The following RMST variants were observed in gnomAD, a reference collection of about 807,000 sequenced individuals.
The protein encoded by RMST is long intergenic non-protein coding RNA 54.
At chr12:97,503,604 T>G (rs1428824816) in intron 10 of RMST, among the ~76,000 whole-genome samples, 1 of 152,186 alleles carries the variant, frequency 6.6e-6, no homozygotes, top group Non-Finnish European at 1.5e-5. Context: ...ATTCCCCAAG[T>G]GAGCCAAATA....
chr12:97,516,980 G>T (rs938123741), intron 10 of RMST, among the ~76,000 whole-genome samples: 3 of 151,874 alleles, frequency 2.0e-5, no homozygotes, highest in Non-Finnish European at 2.9e-5. Flanking sequence ...CTTATGAAAG[G>T]TATCTAATGA....
intron 11 of RMST, chr12:97,532,715 A>C (rs1450872206): frequency 1.4e-5 from 2 of 140,362 alleles, no homozygotes; most frequent in African/African-American, 5.5e-5. Flanking sequence ...CTCTTGTCAG[A>C]GTTTCAAAGG....
intron 11 of RMST, among the ~76,000 whole-genome samples, chr12:97,553,399 C>T (rs377617693): frequency 1.3e-5 from 2 of 152,102 alleles, no homozygotes; most frequent in African/African-American, 4.8e-5. Flanking sequence ...CAGTTAGCCT[C>T]CAGAATTTGT....
intron 11 of RMST, among the ~76,000 whole-genome samples, chr12:97,540,386 A>G (rs1882409876): frequency 6.6e-6 from 1 of 151,798 alleles, no homozygotes; most frequent in African/African-American, 2.4e-5. Context: ...GTTTTTGAAA[A>G]AGATGTATAT....
intron 10 of RMST, among the ~76,000 whole-genome samples, chr12:97,513,755 G>A (rs1157950420): frequency 6.6e-6 from 1 of 152,140 alleles, no homozygotes; most frequent in African/African-American, 2.4e-5. Context: ...TGGATCAATT[G>A]GAGTGTCTTG....
chr12:97,500,083 T>A (rs1419822317), intron 10 of RMST, among the ~76,000 whole-genome samples: 1 of 152,188 alleles, frequency 6.6e-6, no homozygotes, highest in Non-Finnish European at 1.5e-5. Flanking sequence ...CTTTTGACAT[T>A]TTTCCCCATT....
rs1012403245 is a variant in RMST at position 97,483,243 on chromosome 12, A to G, written n.645-9218A>G. On this transcript the variant is annotated intron_variant and non_coding_transcript_variant, in intron 5 of 13. Coordinates refer to ENST00000640149, the Ensembl canonical transcript of RMST. ...GTGGGATGTGCTTTCGCTTAAGCCC[A>G]TGCTCTGAAACAGCTACTCATAGAG... is the stretch of plus-strand genomic sequence containing the variant. 3.9e-5 allele frequency among the ~76,000 whole-genome samples: 6 copies of G among 152,288 alleles called. No homozygotes were observed. In the East Asian group the frequency reaches 1.2e-3, roughly 29 times the overall value.
chr12:97,564,924 T>C (rs1884413700), exon 14 of RMST: 1 of 152,250 alleles, frequency 6.6e-6, no homozygotes, highest in Admixed American at 6.5e-5. Flanking sequence ...TACTGTTTTC[T>C]GTATATTTAC....
At chr12:97,563,936 T>A (rs762587464) in intron 13 of RMST, 3 of 486,342 alleles carry the variant, frequency 6.2e-6, no homozygotes, top group African/African-American at 5.9e-5. Flanking sequence ...GCCATCAGTA[T>A]AGAGAACGTT....
chr12:97,486,111 A>G (rs758240485), intron 5 of RMST, among the ~76,000 whole-genome samples: 1 of 152,196 alleles, frequency 6.6e-6, no homozygotes, highest in African/African-American at 2.4e-5. Context: ...CTTTTACCAT[A>G]GGTAAGAATG....
intron 11 of RMST, among the ~76,000 whole-genome samples, chr12:97,549,622 A>G (rs1018431529): frequency 5.3e-5 from 8 of 152,230 alleles, no homozygotes; most frequent in Non-Finnish European, 1.2e-4. Flanking sequence ...TACTCTGTTC[A>G]TGCAGAGCAG....
intron 11 of RMST, among the ~76,000 whole-genome samples, chr12:97,544,927 A>G (rs1233500445): frequency 6.6e-6 from 1 of 152,120 alleles, no homozygotes; most frequent in African/African-American, 2.4e-5. Context: ...AATGCTTAGC[A>G]GTACTAAGTA....
chr12:97,498,191 A>AT (rs144336599), intron 10 of RMST, among the ~76,000 whole-genome samples: 11,432 of 152,126 alleles, frequency 0.075, 744 homozygotes, highest in East Asian at 0.18. Flanking sequence ...TTATTTTACT[A>AT]TTTTTTAAAG....
chr12:97,475,591 T>TTG (rs1834686575), intron 5 of RMST, among the ~76,000 whole-genome samples: 1 of 151,598 alleles, frequency 6.6e-6, no homozygotes, highest in African/African-American at 2.4e-5. Context: ...TTTTTTGTTT[T>TTG]TTTTTTTTAC....
At chr12:97,558,207 C>T (rs1292459167) in intron 11 of RMST, among the ~76,000 whole-genome samples, 1 of 152,166 alleles carries the variant, frequency 6.6e-6, no homozygotes, top group Non-Finnish European at 1.5e-5. Flanking sequence ...TCTTGGTCAA[C>T]AAGTACAGCT....
chr12:97,482,227 C>T (rs1875388281), intron 5 of RMST, among the ~76,000 whole-genome samples: 1 of 152,172 alleles, frequency 6.6e-6, no homozygotes, highest in African/African-American at 2.4e-5. Context: ...TTTTACTGAG[C>T]TAGTTTAGTG....
At chr12:97,507,677 C>T (rs1012930808) in intron 10 of RMST, among the ~76,000 whole-genome samples, 1 of 145,642 alleles carries the variant, frequency 6.9e-6, no homozygotes, top group Non-Finnish European at 1.5e-5. Flanking sequence ...TGGAGATCTC[C>T]AGAGGTTAGT....
chr12:97,563,734 TA>T lies in RMST; in HGVS notation n.1959-414del, dbSNP rs775119916. The T allele has an allele frequency of 4.1e-4, 191 of 462,102 alleles. 2 individuals are homozygous for T. Among genetic ancestry groups the T allele is most frequent in the South Asian group, 1.1e-3 (73 of 64,092 alleles). 28.6% of individuals were successfully genotyped at this position (462,102 alleles called of 1,614,324 possible). A position where few individuals can be genotyped will look rare whatever the true frequency, so the allele number is the denominator to read the frequency against. On this transcript the variant is annotated intron_variant and non_coding_transcript_variant, in intron 13 of 13. Transcript: ENST00000640149. The stretch of plus-strand genomic sequence containing the variant: ...CTTATGTGTAGTTTAAAATGTTCTT[TA>T]ATGTAGCGTGAAATGATTGGTTAGC...
At chr12:97,529,798 G>A (rs1405601518) in intron 10 of RMST, among the ~76,000 whole-genome samples, 1 of 152,032 alleles carries the variant, frequency 6.6e-6, no homozygotes, top group Non-Finnish European at 1.5e-5. Flanking sequence ...TGCAAGTGTT[G>A]TGTATATCAA....
Sources: gnomAD v4.1 joint callset for allele counts (sites outside exome capture counted in the v4.1 genomes callset) on GRCh38, gnomAD v4.1.1 for gene constraint, MANE v1.5 for transcripts, NCBI Gene and HGNC (gene_info 2026-07-23, HGNC 2026-07-21) for gene names.